The following FLNB variants were observed in gnomAD, a reference collection of about 807,000 sequenced individuals.
The protein encoded by FLNB is filamin-B.
A neutral mutation model predicts 250.6 loss-of-function variants in FLNB; 111 were observed. The ratio of observed to expected loss-of-function variants is 0.44; its 90% CI spans 0.38 to 0.52. The LOEUF is 0.52. FLNB is among the 20% of genes least tolerant of loss of function. The probability of loss-of-function intolerance (pLI) is 0.00; values close to 1 mark genes in which losing one functional copy is unlikely to be tolerated. For synonymous variants in FLNB, 1,302 were observed against 1,372.1 expected, an observed-to-expected ratio of 0.95 and a Z score of 1.13; for missense variants, 2,869 against 3,447.8, an observed-to-expected ratio of 0.83 and a Z score of 4.20.
rs1482350738 is a variant in FLNB at position 58,125,702 on chromosome 3, G to A, written c.4020G>A (p.Glu1340=). Residue 1340 remains glutamate, a synonymous_variant, in exon 23 of 46, where the codon GAG becomes GAA. Transcript: ENST00000295956. ...AAGCCCAAGGACCTGGATTGAAAGA[G>A]GCCTTTACCAACAAGCCCAATGTCT... ...RVQAQGPGLK[E]AFTNKPNVFT... is the part of the protein sequence containing the mutation. 13 of 1,614,040 alleles carry A rather than the reference G, an allele frequency of 8.1e-6. No individual in the cohort carries two copies. Among genetic ancestry groups the A allele is most frequent in the Admixed American group, 3.3e-5 (2 of 59,998 alleles).
intron 1 of FLNB, among the ~76,000 whole-genome samples, chr3:58,044,743 C>T (rs1399251202): frequency 2.6e-5 from 4 of 152,194 alleles, no homozygotes; most frequent in Admixed American, 1.3e-4. Flanking sequence ...TGCCTGGAAG[C>T]GATGCCCAGA....
chr3:58,137,861 G>A (rs914215644), intron 28 of FLNB, among the ~76,000 whole-genome samples: 3 of 152,164 alleles, frequency 2.0e-5, no homozygotes, highest in Non-Finnish European at 4.4e-5. Context: ...CTGTAACTTA[G>A]TTCCTCTTCA....
At chr3:58,147,016 G>T in intron 34 of FLNB, 23 bp downstream of exon 34, 2 of 1,612,914 alleles carry the variant, frequency 1.2e-6, no homozygotes, top group Non-Finnish European at 1.7e-6. Flanking sequence ...GGCTTCTGGG[G>T]TCTTCCTCGT....
intron 3 of FLNB, among the ~76,000 whole-genome samples, chr3:58,079,756 C>T (rs1036046139): frequency 6.6e-6 from 1 of 152,146 alleles, no homozygotes; most frequent in Admixed American, 6.5e-5. Flanking sequence ...TGTTTTCTTT[C>T]CAGAAACTCC....
In FLNB at chr3:58,115,200, G is replaced by A. The variant is rs553210502; in HGVS notation, c.2745+2882G>A. On this transcript the variant is annotated intron_variant, in intron 18 of 45. Transcript: ENST00000295956. ...GTAAGTAGGTAATTATTTTCCTGCT[G>A]ATGGTTCTGAGGGTTGGTGGGAGCC... Among the ~76,000 whole-genome samples, 14 of 152,262 alleles carry A rather than the reference G, an allele frequency of 9.2e-5. No individual in the cohort carries two copies. In the East Asian group the frequency reaches 1.9e-3, roughly 21 times the overall value.
chr3:58,155,367 A>G (rs1036273556), intron 40 of FLNB, among the ~76,000 whole-genome samples: 3 of 152,262 alleles, frequency 2.0e-5, no homozygotes, highest in Non-Finnish European at 4.4e-5. Flanking sequence ...ATAAAATGAA[A>G]TATGTCACAT....
In FLNB at chr3:58,032,688, T is replaced by G. The variant is rs919187747; in HGVS notation, c.292+23832T>G. On this transcript the variant is annotated intron_variant, in intron 1 of 45. Transcript: ENST00000295956. ...GCCAAATTCAAGCAGGTCCATTTTG[T>G]GGTTTGGTGGTCCCCATCTAGTGGG... 6.6e-5 allele frequency among the ~76,000 whole-genome samples: 10 copies of G among 152,314 alleles called. No homozygotes were observed. The East Asian group carries it at 1.9e-3, about 29-fold the overall frequency.
chr3:58,168,496 G>A lies in FLNB; in HGVS notation c.7255G>A (p.Val2419Ile), dbSNP rs202143851. 3.6e-4 allele frequency: 584 copies of A among 1,614,148 alleles called. 5 individuals are homozygous for A. The highest frequency in any genetic ancestry group is 4.2e-4 in the Non-Finnish European group (496 of 1,180,006). The change falls in exon 44 of 46, where the codon GTC becomes ATC. Residue 2419 changes from valine (V) to isoleucine (I), a missense_variant. By Grantham distance (29) the Val-to-Ile change is conservative (BLOSUM62 3). This residue lies in a region of FLNB where 1,084 missense variants were observed against 1,315.5 expected (regional missense o/e 0.82). Transcript: ENST00000295956. ...CCGAGCAGGTCCAGGGACATTATCCGTCACCATCGAAGGCCCATCCAAGGT... is the reference window on the plus strand; with the variant it reads ...CCGAGCAGGTCCAGGGACATTATCCATCACCATCGAAGGCCCATCCAAGGT... ...TTRAGPGTLS[V>I]TIEGPSKVKM...
chr3:58,076,985 G>A, intron 1 of FLNB, 61 bp from the exon 2 acceptor site: 1 of 1,579,310 alleles, frequency 6.3e-7, no homozygotes, highest in Non-Finnish European at 8.7e-7. Context: ...ATTTATATAA[G>A]GAGCATAATT....
Position 58,109,267 on chromosome 3 carries a change from A to G in FLNB, c.2144A>G (p.Lys715Arg), listed in dbSNP as rs2097264600. ...TCATACACCCCGGTGAAGGCCATCA[A>G]GCACACCATTGCTGTGGTCTGGGGA... The part of the protein sequence containing the change: ...ACSYTPVKAI[K>R]HTIAVVWGGV... The change falls in exon 14 of 46, where the codon AAG becomes AGG. Residue 715 changes from lysine to arginine, a missense_variant. By Grantham distance (26) the Lys-to-Arg change is conservative. Transcript: ENST00000295956. The G allele has an allele frequency of 5.0e-6, 8 of 1,614,128 alleles. No homozygotes were observed. The highest frequency in any genetic ancestry group is 6.8e-6 in the Non-Finnish European group (8 of 1,180,042).
Position 58,136,135 on chromosome 3 carries a change from C to A in FLNB, c.4828C>A (p.Gln1610Lys). ...PLSPYRIRAT[Q>K]TGDASKCLAT... ...TTCTCCTTATCGCATCCGAGCCACA[C>A]AGACGGGTGATGCCAGCAAGTGCCT... Residue 1610 changes from glutamine to lysine, a missense_variant, in exon 28 of 46, where the codon CAG (glutamine) becomes AAG (lysine). Coordinates refer to ENST00000295956, the MANE Select transcript of FLNB (RefSeq NM_001457.4). 2 of 1,614,220 alleles carry A rather than the reference C, an allele frequency of 1.2e-6. No homozygotes were observed. The highest frequency in any genetic ancestry group is 1.7e-6 in the Non-Finnish European group (2 of 1,180,034).
chr3:58,059,220 C>CA (rs1417664177), intron 1 of FLNB, among the ~76,000 whole-genome samples: 38 of 152,158 alleles, frequency 2.5e-4, no homozygotes, highest in African/African-American at 9.2e-4. Context: ...TCATGTTACA[C>CA]ATTTAAAAAT....
intron 41 of FLNB, among the ~76,000 whole-genome samples, chr3:58,157,261 A>T (rs1016961943): frequency 1.3e-5 from 2 of 152,202 alleles, no homozygotes; most frequent in Non-Finnish European, 2.9e-5. Context: ...TCGAAATCCC[A>T]AAGTATGATT....
chr3:58,100,406 G>A (rs1164975831), intron 8 of FLNB, among the ~76,000 whole-genome samples: 2 of 63,988 alleles, frequency 3.1e-5, no homozygotes, highest in African/African-American at 1.3e-4. Context: ...GCGGTGGGAA[G>A]GATACAGGGT....
At chr3:58,148,409 T>G (rs760576079) in intron 35 of FLNB, 45 bp downstream of exon 35, 3 of 1,592,496 alleles carry the variant, frequency 1.9e-6, no homozygotes, top group African/African-American at 1.3e-5. Flanking sequence ...ACATCTTGGG[T>G]GGGAGATGGG....
At chr3:58,098,977 C>T in intron 8 of FLNB, 69 bp downstream of exon 8, 3 of 1,387,118 alleles carry the variant, frequency 2.2e-6, no homozygotes, top group Non-Finnish European at 3.1e-6. Flanking sequence ...GGCAGGGAGG[C>T]CAGGAAAACA....
At chr3:58,155,422 A>G (rs2097351799) in intron 40 of FLNB, among the ~76,000 whole-genome samples, 1 of 152,264 alleles carries the variant, frequency 6.6e-6, no homozygotes, top group South Asian at 2.1e-4. Flanking sequence ...CCAAAATCTT[A>G]CAAGAACAAA....
Position 58,169,752 on chromosome 3 carries a change from T to C in FLNB, c.7580T>C (p.Val2527Ala). 2.1e-6 allele frequency: 3 copies of C among 1,461,782 alleles called. No homozygotes were observed. Among genetic ancestry groups the C allele is most frequent in the Non-Finnish European group, 2.8e-6 (3 of 1,085,060 alleles). 90.6% of individuals were successfully genotyped at this position (1,461,782 alleles called of 1,614,324 possible). The change falls in exon 45 of 46, where the codon GTG (valine) becomes GCG (alanine). Residue 2527 changes from valine to alanine, a missense_variant. Around this residue, in one of 5 missense-constraint regions of FLNB, gnomAD observed 1,084 missense variants for 1,315.5 expected, o/e 0.82. Coordinates refer to ENST00000295956, the MANE Select transcript of FLNB (RefSeq NM_001457.4). The surrounding 1 kb of genome is among the most constrained non-coding windows in gnomAD (Gnocchi z 4.8). ...SKGAGLSKAF[V>A]GQKSSFLVDC... ...GGGGCAGGGCTCTCAAAGGCCTTTG[T>C]GGGCCAGAAGAGTTCCTTCCTGGTG...
rs376906480 is a variant in FLNB at position 58,123,098 on chromosome 3, G to A, written c.3132G>A (p.Lys1044=). ...TTTATTCTTTGCTCAAATAGGTGAA[G>A]GCCCACGGTCCCGGCCTCGAAGGTG... ...ASLPPDPSKV[K]AHGPGLEGGL... Residue 1044 remains lysine (K), a synonymous_variant, in exon 21 of 46, where the codon AAG becomes AAA. Transcript: ENST00000295956. 3.7e-6 allele frequency: 6 copies of A among 1,613,966 alleles called. No individual in the cohort carries two copies. The African/African-American group carries it at 4.0e-5, about 11-fold the overall frequency.
Sources: allele counts gnomAD v4.1 joint callset (sites outside exome capture counted in the v4.1 genomes callset), GRCh38; gene constraint gnomAD v4.1.1; regional missense constraint gnomAD v4.1.1; non-coding constraint Gnocchi (gnomAD v3.1); transcripts MANE v1.5; gene names NCBI Gene and HGNC (gene_info 2026-07-23, HGNC 2026-07-21).